Variants in BRDT observed in about 807,000 individuals in gnomAD.
The protein encoded by BRDT is bromodomain testis-specific protein.
Under a neutral mutation model 113.9 loss-of-function variants are expected in BRDT, and 77 were observed. The ratio of observed to expected loss-of-function variants is 0.68; its 90% confidence interval spans 0.56 to 0.82. BRDT has a LOEUF of 0.82. Ranked by LOEUF, BRDT falls within the 40% of genes least tolerant of loss-of-function variation. The pLI is 0.00. For synonymous variants in BRDT, 358 were observed against 366.5 expected (o/e 0.98, Z 0.26); for missense variants, 1,027 against 1,105.4 (o/e 0.93, Z 1.01).
At chr1:91,974,771 C>T (rs1335191419) in intron 4 of BRDT, among the ~76,000 whole-genome samples, 1 of 152,162 alleles carries the variant, frequency 6.6e-6, no homozygotes, top group Non-Finnish European at 1.5e-5. Context: ...ACCCAGCCAT[C>T]CCATTACTGG....
chr1:91,958,606 A>C (rs538491910), intron 1 of BRDT, among the ~76,000 whole-genome samples: 71 of 152,314 alleles, frequency 4.7e-4, no homozygotes, highest in African/African-American at 1.6e-3. Context: ...AGGACATCTT[A>C]GTTATTTTCA....
At chr1:92,004,326 C>A in intron 16 of BRDT, 88 bp from the exon 17 acceptor site, 1 of 820,372 alleles carries the variant, frequency 1.2e-6, no homozygotes, top group Non-Finnish European at 1.9e-6. Flanking sequence ...TTAATTAGAT[C>A]TATTGCTGTA....
In BRDT at chr1:91,962,893, A is replaced by G. The variant is rs768707054; in HGVS notation, c.139A>G (p.Ser47Gly). The change falls in exon 2 of 19, where the codon AGT becomes GGT. Residue 47 changes from serine (S) to glycine (G), a missense_variant. Coordinates refer to ENST00000399546, the MANE Select transcript of BRDT (RefSeq NM_207189.4). ...KVVLKDLWKH[S>G]FSWPFQRPVD... ...TGTCCTAAAGGATTTATGGAAGCAT[A>G]GTTTTTCATGGCCCTTTCAACGTCC... The G allele has an allele frequency of 1.2e-6, 2 of 1,612,198 alleles. No homozygotes were observed. Among genetic ancestry groups the G allele is most frequent in the Non-Finnish European group, 1.7e-6 (2 of 1,179,288 alleles).
chr1:91,955,943 C>T (rs1681717890), intron 1 of BRDT, among the ~76,000 whole-genome samples: 1 of 152,132 alleles, frequency 6.6e-6, no homozygotes, highest in African/African-American at 2.4e-5. Context: ...GTATTTAAGG[C>T]TGTTATTAAA....
chr1:91,951,091 G>A (rs1042687745), intron 1 of BRDT, among the ~76,000 whole-genome samples: 1 of 151,948 alleles, frequency 6.6e-6, no homozygotes, highest in African/African-American at 2.4e-5. Flanking sequence ...CACTGTCATG[G>A]CCAACTACAG....
At chr1:92,007,464 C>G (rs1490778137) in intron 18 of BRDT, among the ~76,000 whole-genome samples, 1 of 152,138 alleles carries the variant, frequency 6.6e-6, no homozygotes, top group African/African-American at 2.4e-5. Flanking sequence ...ATTCAGCTCC[C>G]ACTTATAGGT....
Position 91,980,640 on chromosome 1 carries a change from C to T in BRDT, c.1288-3C>T, listed in dbSNP as rs1248831546. ...TGTTTACAGATTTTTTTTCTTTTAT[C>T]AGCTTAAAGCTGTACATCAACAGCT... On this transcript the variant is annotated splice_polypyrimidine_tract_variant and splice_region_variant and intron_variant, in intron 8 of 18. Coordinates refer to ENST00000399546, the MANE Select transcript of BRDT (RefSeq NM_207189.4). 7.3e-7 allele frequency: 1 copy of T among 1,375,490 alleles called. No individual in the cohort carries two copies. The highest frequency in any genetic ancestry group is 9.5e-7 in the Non-Finnish European group (1 of 1,055,926). 85.2% of individuals were successfully genotyped at this position (1,375,490 alleles called of 1,614,324 possible).
intron 12 of BRDT, among the ~76,000 whole-genome samples, chr1:91,987,329 T>TTTTTG (rs1455912672): frequency 6.6e-6 from 1 of 152,074 alleles, no homozygotes; most frequent in Non-Finnish European, 1.5e-5. Context: ...ATATTCTGTT[T>TTTTTG]TTTTGTTTTG....
intron 15 of BRDT, among the ~76,000 whole-genome samples, chr1:91,997,204 G>A (rs976752252): frequency 1.6e-4 from 25 of 152,096 alleles, no homozygotes; most frequent in African/African-American, 6.0e-4. Flanking sequence ...ATTACATTGG[G>A]AATGTGAGAA....
At chr1:91,979,455 A>G (rs1207654124) in intron 7 of BRDT, 114 bp from the exon 8 acceptor site, 2 of 1,064,972 alleles carry the variant, frequency 1.9e-6, no homozygotes, top group East Asian at 2.5e-5. Context: ...ATCTTAAAGG[A>G]AAAAAGAATT....
At chr1:91,974,392 A>G (rs1234155148) in intron 4 of BRDT, among the ~76,000 whole-genome samples, 1 of 152,242 alleles carries the variant, frequency 6.6e-6, no homozygotes, top group African/African-American at 2.4e-5. Flanking sequence ...CTCATCTGAC[A>G]AAGGGCTAAT....
chr1:91,956,047 C>T (rs899598750), intron 1 of BRDT, among the ~76,000 whole-genome samples: 1 of 152,138 alleles, frequency 6.6e-6, no homozygotes, highest in African/African-American at 2.4e-5. Flanking sequence ...ATAGCCTTCC[C>T]ACAGGCCTTT....
At chr1:91,967,086 T>C (rs1257465429) in intron 3 of BRDT, among the ~76,000 whole-genome samples, 1 of 152,032 alleles carries the variant, frequency 6.6e-6, no homozygotes, top group East Asian at 1.9e-4. Context: ...GTTGGTAGAG[T>C]TGGCTTAGAA....
chr1:92,005,104 CT>C lies in BRDT; in HGVS notation c.2595-8del. ...AACTTGAAACCTACTTTGAGCTATA[CT>C]TTTTTTCTTTAAGGGATCTTGGGAA... On this transcript the variant is annotated splice_polypyrimidine_tract_variant and intron_variant, in intron 17 of 18. Transcript: ENST00000399546. The C allele has an allele frequency of 2.1e-6, 3 of 1,442,758 alleles. No homozygotes were observed. Among genetic ancestry groups the C allele is most frequent in the Admixed American group, 2.8e-5 (1 of 36,356 alleles). The allele number at this position is 1,442,758 out of a possible 1,614,324, so 89.4% of individuals were successfully genotyped here.
At chr1:91,985,677 TG>T (rs1449712930) in intron 12 of BRDT, among the ~76,000 whole-genome samples, 15 of 148,964 alleles carry the variant, frequency 1.0e-4, no homozygotes, top group Non-Finnish European at 2.2e-4. Context: ...TCTGCTCTTT[TG>T]CCCAGGCTGG....
chr1:92,003,530 G>A (rs1402849907), intron 16 of BRDT, among the ~76,000 whole-genome samples: 1 of 152,132 alleles, frequency 6.6e-6, no homozygotes, highest in East Asian at 1.9e-4. Context: ...AGCTAAAGGA[G>A]CTAAGTTTTA....
At chr1:91,976,213 G>T in intron 4 of BRDT, 53 bp from the exon 5 acceptor site, 2 of 1,455,720 alleles carry the variant, frequency 1.4e-6, no homozygotes. Flanking sequence ...ACAGAAAGTG[G>T]TATTTTGTAC....
chr1:91,963,863 A>G (rs1482743147), intron 2 of BRDT, among the ~76,000 whole-genome samples: 1 of 141,696 alleles, frequency 7.1e-6, no homozygotes, highest in Non-Finnish European at 1.5e-5. Context: ...TAAAGGTTCT[A>G]GTTTCTAGAA....
intron 2 of BRDT, among the ~76,000 whole-genome samples, chr1:91,963,224 G>A (rs1682682091): frequency 1.3e-5 from 2 of 152,168 alleles, no homozygotes. Context: ...CCAGGAGGCT[G>A]AGCAGGAGAA....
Sources: gnomAD v4.1 joint callset for allele counts (sites outside exome capture counted in the v4.1 genomes callset) on GRCh38, gnomAD v4.1.1 for gene constraint, MANE v1.5 for transcripts, NCBI Gene and HGNC (gene_info 2026-07-23, HGNC 2026-07-21) for gene names.